MICAL2: variants seen among roughly 807,000 people sequenced by gnomAD.
MICAL2 encodes the protein microtubule associated monooxygenase, calponin and LIM domain containing 2, also known as [F-actin]-monooxygenase MICAL2.
In MICAL2, 77 loss-of-function variants were observed where a neutral mutation model predicts 127.3. The observed-to-expected ratio is 0.60, with a 90% CI of 0.50 to 0.73. The LOEUF is 0.73. MICAL2 is among the 30% of genes least tolerant of loss of function. The probability of loss-of-function intolerance (pLI) is 0.00; values close to 1 mark genes in which losing one functional copy is unlikely to be tolerated. For synonymous variants in MICAL2, 570 were observed against 551.1 expected (o/e 1.03, Z -0.48); for missense variants, 1,351 against 1,434.4 (o/e 0.94, Z 0.94).
intron 32 of MICAL2, among the ~76,000 whole-genome samples, chr11:12,341,803 G>C (rs915580198): frequency 1.3e-5 from 2 of 151,996 alleles, no homozygotes; most frequent in African/African-American, 4.8e-5. Flanking sequence ...CTCTAGCCTG[G>C]GCATCAGAGC....
At chr11:12,261,847 T>A in intron 26 of MICAL2, 1 of 985,738 alleles carries the variant, frequency 1.0e-6, no homozygotes, top group Non-Finnish European at 1.2e-6. Flanking sequence ...TTGCTGGGAT[T>A]TTAATGTTCA....
intron 15 of MICAL2, among the ~76,000 whole-genome samples, chr11:12,231,961 G>A (rs138142662): frequency 6.4e-4 from 98 of 152,326 alleles, no homozygotes; most frequent in African/African-American, 2.3e-3. Context: ...ATTTACGTCT[G>A]CTGGGGGTCT....
intron 3 of MICAL2, among the ~76,000 whole-genome samples, chr11:12,183,493 A>G (rs1364793826): frequency 6.6e-6 from 1 of 152,144 alleles, no homozygotes; most frequent in East Asian, 1.9e-4. Flanking sequence ...TGCCCTTCTC[A>G]GGCACAGATG....
At chr11:12,352,596 GT>G (rs60426714) in intron 33 of MICAL2, among the ~76,000 whole-genome samples, 7,634 of 152,300 alleles carry the variant, frequency 0.05, 479 homozygotes, top group African/African-American at 0.13. Flanking sequence ...TAAAGCATGG[GT>G]TTTAGTTTGG....
chr11:12,342,294 C>T (rs1413986545), intron 32 of MICAL2, among the ~76,000 whole-genome samples: 3 of 152,212 alleles, frequency 2.0e-5, no homozygotes, highest in African/African-American at 7.2e-5. Flanking sequence ...GCTATGGGAC[C>T]AGATGGAGAT....
At chr11:12,111,849 C>T (rs894749048) in intron 1 of MICAL2, among the ~76,000 whole-genome samples, 7 of 152,202 alleles carry the variant, frequency 4.6e-5, no homozygotes, top group South Asian at 2.1e-4. Context: ...GTCCTGCTCC[C>T]CCTCCCCAGT....
chr11:12,244,763 G>A (rs750189185), intron 21 of MICAL2, among the ~76,000 whole-genome samples: 9 of 152,174 alleles, frequency 5.9e-5, no homozygotes, highest in Non-Finnish European at 1.2e-4. Flanking sequence ...CAGGGCTTAC[G>A]TGACATGGAA....
intron 5 of MICAL2, 77 bp from the exon 6 acceptor site, chr11:12,209,420 T>C (rs1471203081): frequency 8.5e-7 from 1 of 1,178,232 alleles, no homozygotes; most frequent in Non-Finnish European, 1.3e-6. Context: ...CCATTTCTCA[T>C]AGCCACCACA....
chr11:12,249,378 TG>T, intron 22 of MICAL2, 132 bp downstream of exon 22: 1 of 623,362 alleles, frequency 1.6e-6, no homozygotes, highest in Non-Finnish European at 2.9e-6. Context: ...GGGACGAAGG[TG>T]GGCAGACATG....
intron 31 of MICAL2, chr11:12,324,221 G>T (rs1590737911): frequency 4.4e-6 from 4 of 912,990 alleles, no homozygotes; most frequent in South Asian, 2.2e-5. Flanking sequence ...ATTTGTGGCC[G>T]TTTTAAAGAG....
intron 7 of MICAL2, among the ~76,000 whole-genome samples, chr11:12,214,211 G>T (rs556704500): frequency 2.4e-4 from 37 of 152,304 alleles, no homozygotes; most frequent in Non-Finnish European, 4.6e-4. Context: ...GTAAATTCCA[G>T]ATACTTTTCC....
At chr11:12,248,139 AG>A in intron 21 of MICAL2, among the ~76,000 whole-genome samples, 1 of 152,306 alleles carries the variant, frequency 6.6e-6, no homozygotes, top group East Asian at 1.9e-4. Context: ...ACAGGGAGCC[AG>A]GGCTCTGCCT....
chr11:12,294,543 CCA>C (rs1247119121), downstream of MICAL2: 19 of 1,614,016 alleles, frequency 1.2e-5, no homozygotes, highest in Middle Eastern at 1.6e-4. Context: ...GAAGATGTCC[CCA>C]CACTCCTCGA....
intron 3 of MICAL2, among the ~76,000 whole-genome samples, chr11:12,175,117 T>C (rs1856691028): frequency 6.6e-6 from 1 of 151,244 alleles, no homozygotes; most frequent in African/African-American, 2.4e-5. Flanking sequence ...AGTAAGACTC[T>C]GCTTAAAAAA....
intron 3 of MICAL2, among the ~76,000 whole-genome samples, chr11:12,163,080 T>A (rs1004228602): frequency 1.3e-5 from 2 of 152,168 alleles, no homozygotes; most frequent in African/African-American, 4.8e-5. Flanking sequence ...ACTCCCTTCC[T>A]CAGGATGCAT....
intron 2 of MICAL2, among the ~76,000 whole-genome samples, chr11:12,141,888 G>A (rs1201199360): frequency 1.3e-5 from 2 of 152,234 alleles, no homozygotes; most frequent in African/African-American, 4.8e-5. Context: ...ATGAAAAGGG[G>A]AAAGGCTAGG....
chr11:12,360,047 C>A (rs1476365324), downstream of MICAL2, among the ~76,000 whole-genome samples: 1 of 151,488 alleles, frequency 6.6e-6, no homozygotes, highest in African/African-American at 2.4e-5. Flanking sequence ...TAAGCACAAT[C>A]TTTCTATGTT....
At chr11:12,264,378 G>GT (rs1863515810), downstream of MICAL2, among the ~76,000 whole-genome samples, 1 of 152,162 alleles carries the variant, frequency 6.6e-6, no homozygotes. Flanking sequence ...AGTATCTATG[G>GT]TGTGAGGCCC....
intron 3 of MICAL2, among the ~76,000 whole-genome samples, chr11:12,167,991 G>T (rs965871818): frequency 6.6e-6 from 1 of 152,038 alleles, no homozygotes; most frequent in Admixed American, 6.6e-5. Context: ...TCTAAATAAA[G>T]ACTTTTTTGT....
Sources: allele counts gnomAD v4.1 joint callset (sites outside exome capture counted in the v4.1 genomes callset), GRCh38; gene constraint gnomAD v4.1.1; transcripts MANE v1.5; gene names NCBI Gene and HGNC (gene_info 2026-07-23, HGNC 2026-07-21).